ETFBKMT: variants seen among roughly 807,000 people sequenced by gnomAD.
ETFBKMT encodes electron transfer flavoprotein beta subunit lysine methyltransferase.
A neutral mutation model predicts 18.3 loss-of-function variants in ETFBKMT; 13 were observed. The observed-to-expected ratio is 0.71, with a 90% CI of 0.46 to 1.13. The LOEUF (loss-of-function observed/expected upper bound fraction) is 1.13, where lower values mean the gene tolerates loss of function less well. Ranked by LOEUF, ETFBKMT falls within the 50% of genes most tolerant of loss-of-function variation. The probability of loss-of-function intolerance (pLI) is 0.00; values close to 1 mark genes in which losing one functional copy is unlikely to be tolerated. For missense variants in ETFBKMT, 293 were observed against 306.2 expected, an observed-to-expected ratio of 0.96 and a Z score of 0.32; for synonymous variants, 84 against 107.9, an observed-to-expected ratio of 0.78 and a Z score of 1.37.
Position 31,672,104 on chromosome 12 carries a change from A to G in ETFBKMT, c.*4114A>G, listed in dbSNP as rs1194612429. ...ACTCATCCAACAGATATAGAATAAT[A>G]GCACTTTAAAGATGTTTAAGAGTAA... On this transcript the variant is annotated 3_prime_UTR_variant, in exon 4 of 4. Transcript: ENST00000357721. The G allele has an allele frequency of 2.0e-6, 1 of 492,888 alleles. No homozygotes were observed. Among genetic ancestry groups the G allele is most frequent in the East Asian group, 3.2e-5 (1 of 31,366 alleles). 30.5% of individuals were successfully genotyped at this position (492,888 alleles called of 1,614,324 possible).
intron 2 of ETFBKMT, among the ~76,000 whole-genome samples, chr12:31,662,579 T>G (rs1951139922): frequency 6.8e-6 from 1 of 147,840 alleles, no homozygotes; most frequent in South Asian, 2.2e-4. Flanking sequence ...TCTGGCCTCC[T>G]CAACCTCCCC....
chr12:31,662,580 C>T (rs1253112803), intron 2 of ETFBKMT, among the ~76,000 whole-genome samples: 1 of 148,906 alleles, frequency 6.7e-6, no homozygotes, highest in Admixed American at 6.8e-5. Context: ...CTGGCCTCCT[C>T]AACCTCCCCA....
At chr12:31,649,662 C>T (rs1950998001) in intron 1 of ETFBKMT, among the ~76,000 whole-genome samples, 2 of 152,014 alleles carry the variant, frequency 1.3e-5, no homozygotes, top group South Asian at 4.1e-4. Flanking sequence ...ATTATCTGTT[C>T]TGGTGATCTG....
At chr12:31,653,478 C>T (rs1188874093) in intron 1 of ETFBKMT, among the ~76,000 whole-genome samples, 2 of 152,028 alleles carry the variant, frequency 1.3e-5, no homozygotes, top group African/African-American at 2.4e-5. Context: ...AAAGTTTGCC[C>T]GGTTACTAAC....
upstream of ETFBKMT, chr12:31,659,506 A>G (rs1261656181): frequency 6.6e-6 from 1 of 152,222 alleles, no homozygotes; most frequent in Non-Finnish European, 1.5e-5. Flanking sequence ...AGAAATACCA[A>G]GTGGTCACCA....
At chr12:31,654,080 C>T (rs1345045285) in intron 1 of ETFBKMT, among the ~76,000 whole-genome samples, 2 of 152,178 alleles carry the variant, frequency 1.3e-5, no homozygotes, top group Non-Finnish European at 2.9e-5. Context: ...GACAGAGCCT[C>T]ACCCTGTCGT....
At chr12:31,664,118 C>T (rs188468738) in intron 2 of ETFBKMT, among the ~76,000 whole-genome samples, 88 of 151,758 alleles carry the variant, frequency 5.8e-4, no homozygotes, top group African/African-American at 2.0e-3. Flanking sequence ...CCCTGACTTC[C>T]TCTGCCATTC....
At chr12:31,657,515 C>T (rs73303823), upstream of ETFBKMT, among the ~76,000 whole-genome samples, 2,256 of 152,146 alleles carry the variant, frequency 0.015, 58 homozygotes, top group African/African-American at 0.051. Context: ...TAATCTTGGC[C>T]GGTCGCAGTG....
At chr12:31,658,184 T>A (rs1951078151), upstream of ETFBKMT, among the ~76,000 whole-genome samples, 1 of 152,216 alleles carries the variant, frequency 6.6e-6, no homozygotes, top group Non-Finnish European at 1.5e-5. Context: ...TTATAGAAAT[T>A]GATCTTGAAC....
At chr12:31,654,985 G>T (rs1360464472), upstream of ETFBKMT, among the ~76,000 whole-genome samples, 1 of 151,866 alleles carries the variant, frequency 6.6e-6, no homozygotes, top group Admixed American at 6.6e-5. Context: ...GAACCCGGGA[G>T]GAGAAGGTTG....
chr12:31,652,731 AGTG>A (rs1292531668), intron 1 of ETFBKMT, among the ~76,000 whole-genome samples: 1 of 152,192 alleles, frequency 6.6e-6, no homozygotes, highest in African/African-American at 2.4e-5. Context: ...GGTGGTGAAA[AGTG>A]GTCAGATTCT....
At position 31,670,654 on chromosome 12, in the gene ETFBKMT, T is replaced by C. The variant is rs1322849460; in HGVS notation, c.*2664T>C. 2.0e-5 allele frequency: 3 copies of C among 152,074 alleles called. No individual in the cohort carries two copies. Among genetic ancestry groups the C allele is most frequent in the African/African-American group, 7.2e-5 (3 of 41,390 alleles). The allele number at this position is 152,074 out of a possible 1,614,324, so 9.4% of individuals were successfully genotyped here. Reference sequence around the variant, plus strand: ...CTGGCTAGTTTTTTTATTTTGTATTTTTTGTAGACATGGAGTCTTGCTACA... The same window carrying C: ...CTGGCTAGTTTTTTTATTTTGTATTCTTTGTAGACATGGAGTCTTGCTACA... On this transcript the variant is annotated 3_prime_UTR_variant, in exon 4 of 4. Transcript: ENST00000357721.
At chr12:31,653,428 G>C (rs1214960658) in intron 1 of ETFBKMT, among the ~76,000 whole-genome samples, 2 of 137,528 alleles carry the variant, frequency 1.5e-5, no homozygotes, top group Non-Finnish European at 1.6e-5. Flanking sequence ...TCTAGTGTCA[G>C]TTGTCGGATG....
In ETFBKMT at chr12:31,672,965, T is replaced by C. The variant is rs1421254005; in HGVS notation, c.*4975T>C. On this transcript the variant is annotated 3_prime_UTR_variant, in exon 4 of 4. Coordinates refer to ENST00000357721, the MANE Select transcript of ETFBKMT (RefSeq NM_001135863.2). ...TGATTTTAAATAGATAACCATTATA[T>C]AAATACACTGTAATTTAACCAATCT... 6.6e-6 allele frequency: 1 copy of C among 152,386 alleles called. No homozygotes were observed. The highest frequency in any genetic ancestry group is 1.5e-5 in the Non-Finnish European group (1 of 68,186). The allele number at this position is 152,386 out of a possible 1,614,324, so 9.4% of individuals were successfully genotyped here.
At chr12:31,661,650 A>G (rs1387964844) in intron 1 of ETFBKMT, among the ~76,000 whole-genome samples, 191 bp from the exon 2 acceptor site, 4 of 152,110 alleles carry the variant, frequency 2.6e-5, no homozygotes, top group East Asian at 3.9e-4. Flanking sequence ...TAGTAGAGAC[A>G]GGGTTTCACC....
intron 1 of ETFBKMT, among the ~76,000 whole-genome samples, chr12:31,651,647 T>C (rs1333751841): frequency 6.6e-6 from 1 of 152,068 alleles, no homozygotes; most frequent in Non-Finnish European, 1.5e-5. Flanking sequence ...CTTCCTTTAG[T>C]AGAAAGAGAA....
intron 1 of ETFBKMT, among the ~76,000 whole-genome samples, chr12:31,648,018 A>G (rs1176455257): frequency 6.6e-6 from 1 of 152,232 alleles, no homozygotes. Flanking sequence ...ATTCCTAGGT[A>G]TATACCCAAG....
rs374322176 is a variant in ETFBKMT, at chr12:31,661,879, C to A, written c.-75C>A. The A allele has an allele frequency of 1.4e-6, 2 of 1,382,728 alleles. No individual in the cohort carries two copies. The highest frequency in any genetic ancestry group is 2.3e-5 in the East Asian group (1 of 43,506). 85.7% of individuals were successfully genotyped at this position (1,382,728 alleles called of 1,614,324 possible). A position where few individuals can be genotyped will look rare whatever the true frequency, so the allele number is the denominator to read the frequency against. On this transcript the variant is annotated 5_prime_UTR_variant, in exon 2 of 4. Transcript: ENST00000357721. ...GGTTGAGATCAAGTTGGGAGACACA[C>A]CCTTGTTCATTCTCCTTGAGAAGCA...
Position 31,668,978 on chromosome 12 carries a change from G to A in ETFBKMT, c.*988G>A, listed in dbSNP as rs1047818630. The A allele has an allele frequency of 6.6e-6, 1 of 152,176 alleles. No homozygotes were observed. The highest frequency in any genetic ancestry group is 1.5e-5 in the Non-Finnish European group (1 of 68,024). 9.4% of individuals were successfully genotyped at this position (152,176 alleles called of 1,614,324 possible). On this transcript the variant is annotated 3_prime_UTR_variant, in exon 4 of 4. Transcript: ENST00000357721. Reference sequence around the variant, plus strand: ...GTCTGCCATAACTGAGTCTGGTTCTGATGCTTGTTTTCTTTTCAGACTGTT... The same window carrying A: ...GTCTGCCATAACTGAGTCTGGTTCTAATGCTTGTTTTCTTTTCAGACTGTT...
Sources: allele counts gnomAD v4.1 joint callset (sites outside exome capture counted in the v4.1 genomes callset), GRCh38; gene constraint gnomAD v4.1.1; transcripts MANE v1.5; gene names NCBI Gene and HGNC (gene_info 2026-07-23, HGNC 2026-07-21).